The following MED26 variants were observed in gnomAD, a reference collection of about 807,000 sequenced individuals.
MED26 encodes mediator complex subunit 26, also known as mediator of RNA polymerase II transcription subunit 26.
MED26 carries 7 observed loss-of-function variants against 43.7 expected under a neutral mutation model. The observed-to-expected ratio is 0.16, with a 90% CI of 0.09 to 0.30. The LOEUF (loss-of-function observed/expected upper bound fraction) is 0.30, where lower values mean the gene tolerates loss of function less well. MED26 is among the 10% of genes least tolerant of loss of function. The pLI, the probability that MED26 is intolerant of heterozygous loss-of-function variation, is 1.00. For missense variants in MED26, 784 were observed against 840.6 expected, an observed-to-expected ratio of 0.93 and a Z score of 0.83; for synonymous variants, 375 against 371.1, an observed-to-expected ratio of 1.01 and a Z score of -0.12.
intron 1 of MED26, among the ~76,000 whole-genome samples, chr19:16,622,224 C>A (rs906877209): frequency 6.6e-6 from 1 of 152,206 alleles, no homozygotes. Context: ...TTGAGACCTG[C>A]GGCACCATCA....
chr19:16,614,407 T>C (rs762171659), intron 1 of MED26, among the ~76,000 whole-genome samples: 1 of 152,106 alleles, frequency 6.6e-6, no homozygotes, highest in Non-Finnish European at 1.5e-5. Context: ...CGTGTGTCTG[T>C]AGTCTTAGCT....
At position 16,575,894 on chromosome 19, in the gene MED26, C is replaced by T. The variant is rs146746853; in HGVS notation, c.*133G>A. On this transcript the variant is annotated 3_prime_UTR_variant, in exon 3 of 3. Coordinates refer to ENST00000263390, the MANE Select transcript of MED26 (RefSeq NM_004831.5). ...AGAGAGACCGCGTGACTCCCGCCCC[C>T]TCCCTCCCGCCTGGGCCGGACTCCC... 2.2e-4 allele frequency: 157 copies of T among 724,000 alleles called. No individual in the cohort carries two copies. In the East Asian group the frequency reaches 4.2e-3, roughly 19 times the overall value. The allele number at this position is 724,000 out of a possible 1,614,324, so 44.8% of individuals were successfully genotyped here.
chr19:16,611,301 A>C (rs953383565), intron 1 of MED26: 10 of 152,320 alleles, frequency 6.6e-5, no homozygotes, highest in Non-Finnish European at 1.0e-4. Context: ...GGTGTTGTCC[A>C]GTCATTTTTG....
intron 1 of MED26, among the ~76,000 whole-genome samples, chr19:16,618,011 T>C (rs920228245): frequency 1.2e-4 from 18 of 152,032 alleles, no homozygotes; most frequent in Non-Finnish European, 2.5e-4. Context: ...AAATGGAGGC[T>C]GCAAAAGAAA....
rs778226111 is a variant in MED26, at chr19:16,576,626, A to G, written c.1204T>C (p.Tyr402His). Residue 402 changes from tyrosine (Y) to histidine (H), a missense_variant, in exon 3 of 3, where the codon TAT (tyrosine) becomes CAT (histidine). Tyr to His is a moderately conservative substitution (Grantham distance 83, BLOSUM62 2). Transcript: ENST00000263390. The surrounding 1 kb of genome is among the most constrained non-coding windows in gnomAD (Gnocchi z 6.8). ...ACCTGCCCGTCCAAGTTAACCGTAT[A>G]GTCTCGAGGTCGGTACCTCTTCTTC... ...KKKKRYRPRDYTVNLDGQVAE... is the reference protein window; with the variant it reads ...KKKKRYRPRDHTVNLDGQVAE... 2.5e-6 allele frequency: 4 copies of G among 1,614,218 alleles called. No homozygotes were observed. Among genetic ancestry groups the G allele is most frequent in the Non-Finnish European group, 3.4e-6 (4 of 1,180,040 alleles).
chr19:16,591,628 G>A (rs185947380), intron 1 of MED26, among the ~76,000 whole-genome samples: 128 of 152,252 alleles, frequency 8.4e-4, no homozygotes, highest in Admixed American at 8.2e-3. Flanking sequence ...TACTTCACTG[G>A]AGACCCAGGT....
intron 1 of MED26, among the ~76,000 whole-genome samples, chr19:16,581,604 C>T (rs141246526): frequency 6.6e-4 from 101 of 152,380 alleles, no homozygotes; most frequent in Admixed American, 1.8e-3. Context: ...CACCATCCTG[C>T]TGCCAGACAA....
intron 1 of MED26, chr19:16,624,210 C>G (rs1008626552): frequency 6.6e-6 from 1 of 152,102 alleles, no homozygotes. Context: ...GGGGTGCATA[C>G]ACCAGTTCCC....
At chr19:16,606,943 A>T (rs78708129) in intron 1 of MED26, among the ~76,000 whole-genome samples, 4,500 of 152,326 alleles carry the variant, frequency 0.03, 92 homozygotes, top group Non-Finnish European at 0.045. Flanking sequence ...GTCTGGTCTC[A>T]AACTTCTGGG....
intron 1 of MED26, among the ~76,000 whole-genome samples, chr19:16,604,174 A>C (rs980736737): frequency 2.0e-5 from 3 of 152,254 alleles, no homozygotes; most frequent in Non-Finnish European, 2.9e-5. Context: ...AAGCACAGAA[A>C]GCTGGGACAC....
At chr19:16,607,100 A>C (rs1211631533) in intron 1 of MED26, among the ~76,000 whole-genome samples, 1 of 152,214 alleles carries the variant, frequency 6.6e-6, no homozygotes, top group Non-Finnish European at 1.5e-5. Context: ...CCAGCTAAGC[A>C]GGCAACTGAG....
rs180970134 is a variant in MED26, at chr19:16,626,018, T to C, written c.72+1854A>G. Reference sequence around the variant, plus strand: ...CAGGGACCTATATAGCATTTCTGCATGTGCTAAGACACACAAAACTAAGAT... The same window carrying C: ...CAGGGACCTATATAGCATTTCTGCACGTGCTAAGACACACAAAACTAAGAT... On this transcript the variant is annotated intron_variant, in intron 1 of 2. Coordinates refer to ENST00000263390, the MANE Select transcript of MED26 (RefSeq NM_004831.5). Among the ~76,000 whole-genome samples the C allele has an allele frequency of 3.0e-3, 452 of 152,358 alleles. 1 individual carries two copies. The highest frequency in any genetic ancestry group is 5.1e-3 in the Non-Finnish European group (345 of 68,036).
chr19:16,575,887 C>T lies in MED26; in HGVS notation c.*140G>A. The T allele has an allele frequency of 2.9e-6, 2 of 681,974 alleles. No homozygotes were observed. The allele number at this position is 681,974 out of a possible 1,614,324, so 42.2% of individuals were successfully genotyped here. A position where few individuals can be genotyped will look rare whatever the true frequency, so the allele number is the denominator to read the frequency against. Reference sequence around the variant, plus strand: ...AGAGCGCAGAGAGACCGCGTGACTCCCGCCCCCTCCCTCCCGCCTGGGCCG... The same window carrying T: ...AGAGCGCAGAGAGACCGCGTGACTCTCGCCCCCTCCCTCCCGCCTGGGCCG... On this transcript the variant is annotated 3_prime_UTR_variant, in exon 3 of 3. Transcript: ENST00000263390.
intron 1 of MED26, among the ~76,000 whole-genome samples, chr19:16,613,761 G>A (rs773860529): frequency 2.0e-4 from 31 of 152,166 alleles, no homozygotes; most frequent in Non-Finnish European, 3.4e-4. Context: ...TGATGCTGCT[G>A]TCCTTGCAAC....
At chr19:16,580,518 G>A (rs1029809375) in intron 1 of MED26, among the ~76,000 whole-genome samples, 9 of 151,892 alleles carry the variant, frequency 5.9e-5, no homozygotes, top group South Asian at 2.1e-4. Flanking sequence ...ATAGGCACCC[G>A]CCACCACGCC....
intron 1 of MED26, among the ~76,000 whole-genome samples, chr19:16,597,883 C>T (rs1235665500): frequency 6.6e-6 from 1 of 152,064 alleles, no homozygotes; most frequent in Non-Finnish European, 1.5e-5. Context: ...CCACCTTGCC[C>T]GGCTAATTTT....
chr19:16,608,910 G>A (rs934339768), intron 1 of MED26, among the ~76,000 whole-genome samples: 1 of 152,230 alleles, frequency 6.6e-6, no homozygotes, highest in African/African-American at 2.4e-5. Context: ...AGCGTGTCAT[G>A]CCTGAAGTCA....
chr19:16,627,817 G>T, intron 1 of MED26, 55 bp downstream of exon 1: 2 of 1,334,488 alleles, frequency 1.5e-6, no homozygotes, highest in Non-Finnish European at 1.0e-6. Flanking sequence ...ACAGGAGAGG[G>T]GGAGGGTCCC....
chr19:16,612,904 A>C (rs1023795387), intron 1 of MED26, among the ~76,000 whole-genome samples: 2 of 152,188 alleles, frequency 1.3e-5, no homozygotes, highest in Admixed American at 6.5e-5. Context: ...TGCTGACACT[A>C]AAGGAAAGAC....
Sources: gnomAD v4.1 joint callset for allele counts (sites outside exome capture counted in the v4.1 genomes callset) on GRCh38, gnomAD v4.1.1 for gene constraint, Gnocchi (gnomAD v3.1) non-coding constraint, MANE v1.5 for transcripts, NCBI Gene and HGNC (gene_info 2026-07-23, HGNC 2026-07-21) for gene names.